Variants in LIG3 observed in about 807,000 individuals in gnomAD.
LIG3 encodes DNA ligase 3.
A neutral mutation model predicts 110.9 loss-of-function variants in LIG3; 58 were observed. The observed-to-expected ratio is 0.52, with a 90% CI of 0.42 to 0.65. The LOEUF (loss-of-function observed/expected upper bound fraction) is 0.65. Among genes scored for constraint, LIG3 ranks in the 30% least tolerant of loss-of-function variants. The pLI, the probability that LIG3 is intolerant of heterozygous loss-of-function variation, is 0.00. For synonymous variants in LIG3, 422 were observed against 472.8 expected (o/e 0.89, Z 1.39); for missense variants, 1,094 against 1,273.8 (o/e 0.86, Z 2.15).
At chr17:34,984,969 G>T (rs2090640833) in intron 2 of LIG3, among the ~76,000 whole-genome samples, 1 of 152,018 alleles carries the variant, frequency 6.6e-6, no homozygotes. Context: ...GTAGAGACAG[G>T]GTTTCACCAT....
chr17:34,989,624 C>T lies in LIG3; in HGVS notation c.850C>T (p.Gln284Ter), dbSNP rs1279226170. 1 of 1,614,018 alleles carries T rather than the reference C, an allele frequency of 6.2e-7. No homozygotes were observed. The highest frequency in any genetic ancestry group is 1.3e-5 in the African/African-American group (1 of 74,916). Reference sequence around the variant, plus strand: ...TAATCCTAGCTACAACACGAAGACCCAGATCATCCAGGACTTCCTTCGGAA... The same window carrying T: ...TAATCCTAGCTACAACACGAAGACCTAGATCATCCAGGACTTCCTTCGGAA... ...ADNPSYNTKT[Q>*]IIQDFLRKGS... The change falls in exon 4 of 20, where the codon CAG (glutamine) becomes TAG (stop). Residue 284 changes from glutamine (Q) to a stop codon, truncating the protein, a stop_gained. Coordinates refer to ENST00000378526, the MANE Select transcript of LIG3 (RefSeq NM_013975.4). LOFTEE classifies it high-confidence loss of function.
intron 3 of LIG3, among the ~76,000 whole-genome samples, chr17:34,986,543 A>G (rs1427896105): frequency 6.6e-6 from 1 of 152,150 alleles, no homozygotes; most frequent in African/African-American, 2.4e-5. Context: ...GCTGGTCTCA[A>G]ACTCCTGACC....
At chr17:34,984,003 G>A (rs895934472) in intron 2 of LIG3, among the ~76,000 whole-genome samples, 2 of 152,188 alleles carry the variant, frequency 1.3e-5, no homozygotes, top group African/African-American at 4.8e-5. Context: ...TTGAGAATAA[G>A]TTGCATACAT....
Position 34,991,666 on chromosome 17 carries a change from G to C in LIG3, c.1042-5G>C. On this transcript the variant is annotated splice_region_variant and splice_polypyrimidine_tract_variant and intron_variant, in intron 5 of 19. Transcript: ENST00000378526. Reference sequence around the variant, plus strand: ...CAGCAGTGGCATTTTGGTTTTTGGAGACAGGGTGACGTGTCAGAGACAATC... The same window carrying C: ...CAGCAGTGGCATTTTGGTTTTTGGACACAGGGTGACGTGTCAGAGACAATC... 6.2e-7 allele frequency: 1 copy of C among 1,613,402 alleles called. No individual in the cohort carries two copies. The highest frequency in any genetic ancestry group is 8.5e-7 in the Non-Finnish European group (1 of 1,179,926).
chr17:35,004,707 A>T lies in LIG3; in HGVS notation c.*201A>T. Reference sequence around the variant, plus strand: ...GAAGTCAGTTTGTCTTGCTGGTTTAAATAGATCTTTCAGAGCTGGGTGCTG... The same window carrying T: ...GAAGTCAGTTTGTCTTGCTGGTTTATATAGATCTTTCAGAGCTGGGTGCTG... On this transcript the variant is annotated 3_prime_UTR_variant, in exon 20 of 20. Transcript: ENST00000378526. 3.5e-6 allele frequency: 2 copies of T among 563,652 alleles called. No homozygotes were observed. The highest frequency in any genetic ancestry group is 6.3e-6 in the Non-Finnish European group (2 of 317,992). The allele number at this position is 563,652 out of a possible 1,614,324, so 34.9% of individuals were successfully genotyped here. A position where few individuals can be genotyped will look rare whatever the true frequency, so the allele number is the denominator to read the frequency against.
chr17:34,990,528 C>T (rs1176920227), intron 4 of LIG3, among the ~76,000 whole-genome samples: 1 of 152,194 alleles, frequency 6.6e-6, no homozygotes, highest in Non-Finnish European at 1.5e-5. Flanking sequence ...AATCTGCCTA[C>T]CTCAACCTGC....
In LIG3 at chr17:34,993,701, A is replaced by G. The variant is rs3135990; in HGVS notation, c.1456-575A>G. On this transcript the variant is annotated intron_variant, in intron 8 of 19. Coordinates refer to ENST00000378526, the MANE Select transcript of LIG3 (RefSeq NM_013975.4). The stretch of plus-strand genomic sequence containing the variant: ...CAAAAATGAAAACAATATTTGTCAC[A>G]TAGGATGTCACATCGGGGATGAAAT... Among the ~76,000 whole-genome samples, 870 of 152,310 alleles carry G rather than the reference A, an allele frequency of 5.7e-3. 7 individuals are homozygous for G. Among genetic ancestry groups the G allele is most frequent in the African/African-American group, 0.019 (796 of 41,572 alleles).
At chr17:34,981,088 T>C (rs1024329511) in intron 1 of LIG3, 21 of 152,266 alleles carry the variant, frequency 1.4e-4, no homozygotes, top group African/African-American at 5.1e-4. Flanking sequence ...GGGAAGCCCT[T>C]CGAGAAAAGC....
At position 35,009,007 on chromosome 17, in the gene LIG3, T is replaced by C. The variant is rs2142306039; in HGVS notation, c.*4501T>C. 1 of 152,576 alleles carries C rather than the reference T, an allele frequency of 6.6e-6. No homozygotes were observed. The highest frequency in any genetic ancestry group is 2.4e-5 in the African/African-American group (1 of 41,566). 9.5% of individuals were successfully genotyped at this position (152,576 alleles called of 1,614,324 possible). A position where few individuals can be genotyped will look rare whatever the true frequency, so the allele number is the denominator to read the frequency against. ...GTCTCAAACTCCTGAGCTCAAGCAG[T>C]CTTCCCACCTTGGCCTCCTAAAGTG... On this transcript the variant is annotated 3_prime_UTR_variant, in exon 20 of 20. Coordinates refer to ENST00000378526, the MANE Select transcript of LIG3 (RefSeq NM_013975.4).
intron 19 of LIG3, chr17:35,004,006 T>C (rs774156198): frequency 1.8e-4 from 80 of 444,092 alleles, no homozygotes; most frequent in Non-Finnish European, 2.9e-4. Context: ...GTGGCTCTTA[T>C]ACACATGTAC....
chr17:34,996,733 A>C lies in LIG3; in HGVS notation c.1823+80A>C. The C allele has an allele frequency of 9.7e-6, 12 of 1,236,034 alleles. No individual in the cohort carries two copies. In the South Asian group the frequency reaches 1.4e-4, roughly 15 times the overall value. 76.6% of individuals were successfully genotyped at this position (1,236,034 alleles called of 1,614,324 possible). On this transcript the variant is annotated intron_variant, in intron 11 of 19. Transcript: ENST00000378526. ...CCTGGGTGAGGAAGATGGGGGCTTCAGGTTGGAAAGGAGGGTACAGGGAAC... is the reference window on the plus strand; with the variant it reads ...CCTGGGTGAGGAAGATGGGGGCTTCCGGTTGGAAAGGAGGGTACAGGGAAC...
Position 34,983,460 on chromosome 17 carries a change from C to A in LIG3, c.455C>A (p.Ala152Asp), listed in dbSNP as rs2090625546. The change falls in exon 2 of 20, where the codon GCC (alanine) becomes GAC (aspartate). Residue 152 changes from alanine to aspartate, a missense_variant. Coordinates refer to ENST00000378526, the MANE Select transcript of LIG3 (RefSeq NM_013975.4). ...CMFEKLERAR[A>D]TTKKIEDLTE... Reference sequence around the variant, plus strand: ...TTTGAGAAACTAGAGCGGGCCCGGGCCACCACAAAAAAAATCGAGGACCTC... The same window carrying A: ...TTTGAGAAACTAGAGCGGGCCCGGGACACCACAAAAAAAATCGAGGACCTC... The A allele has an allele frequency of 1.2e-6, 2 of 1,613,706 alleles. No individual in the cohort carries two copies. The highest frequency in any genetic ancestry group is 1.1e-5 in the South Asian group (1 of 91,068).
chr17:35,002,500 G>A (rs905758381), intron 18 of LIG3, among the ~76,000 whole-genome samples, 168 bp from the exon 19 acceptor site: 4 of 152,262 alleles, frequency 2.6e-5, no homozygotes, highest in African/African-American at 9.6e-5. Flanking sequence ...TAGTTCTTTT[G>A]TATCATATGT....
intron 4 of LIG3, 51 bp downstream of exon 4, chr17:34,989,714 A>G (rs896512836): frequency 1.3e-6 from 2 of 1,559,486 alleles, no homozygotes; most frequent in African/African-American, 2.7e-5. Flanking sequence ...GCTCAAGGCC[A>G]TGGCTGCCTT....
intron 3 of LIG3, among the ~76,000 whole-genome samples, chr17:34,987,296 T>A (rs1375405088): frequency 6.6e-6 from 1 of 152,218 alleles, no homozygotes; most frequent in African/African-American, 2.4e-5. Context: ...TATATGTAGT[T>A]TCATTTCTTC....
Position 35,004,562 on chromosome 17 carries a change from T to G in LIG3, c.*56T>G. On this transcript the variant is annotated 3_prime_UTR_variant, in exon 20 of 20. Transcript: ENST00000378526. The stretch of plus-strand genomic sequence containing the variant: ...ACTCTCCTTTACCATACTACTGGAC[T>G]GGACTCAGGCTGGAGGCAGATAGAC... The G allele has an allele frequency of 6.9e-7, 1 of 1,446,566 alleles. No homozygotes were observed. The highest frequency in any genetic ancestry group is 2.3e-5 in the East Asian group (1 of 43,882). The allele number at this position is 1,446,566 out of a possible 1,614,324, so 89.6% of individuals were successfully genotyped here. A position where few individuals can be genotyped will look rare whatever the true frequency, so the allele number is the denominator to read the frequency against.
downstream of LIG3, chr17:35,010,825 C>T (rs1200251391): frequency 6.6e-6 from 1 of 152,036 alleles, no homozygotes; most frequent in Non-Finnish European, 1.5e-5. Flanking sequence ...AGTAGGGTCT[C>T]CTCACTCCCC....
Position 34,986,033 on chromosome 17 carries a change from T to A in LIG3, c.593T>A (p.Val198Asp). The A allele has an allele frequency of 6.2e-7, 1 of 1,614,186 alleles. No individual in the cohort carries two copies. Among genetic ancestry groups the A allele is most frequent in the Non-Finnish European group, 8.5e-7 (1 of 1,180,004 alleles). Residue 198 changes from valine to aspartate, a missense_variant, in exon 3 of 20, where the codon GTC (valine) becomes GAC (aspartate). By Grantham distance (152) the Val-to-Asp change is radical (BLOSUM62 -3). Transcript: ENST00000378526. ...GGTACACCAAAGAAGAAAGCTGTTG[T>A]CCAGGCTAAGTTGACAACCACTGGC... ...AAGTPKKKAV[V>D]QAKLTTTGQV...
Position 34,989,646 on chromosome 17 carries a change from G to A in LIG3, c.872G>A (p.Arg291Gln), listed in dbSNP as rs199806002. 96 of 1,614,082 alleles carry A rather than the reference G, an allele frequency of 5.9e-5. No homozygotes were observed. The highest frequency in any genetic ancestry group is 7.4e-5 in the Non-Finnish European group (87 of 1,180,018). The change falls in exon 4 of 20, where the codon CGG becomes CAG. Residue 291 changes from arginine to glutamine, a missense_variant. Transcript: ENST00000378526. ...ACCCAGATCATCCAGGACTTCCTTC[G>A]GAAAGGCTCAGCAGGAGGTGTGGCA... Reference protein sequence around the residue: ...TKTQIIQDFLRKGSAGDGFHG... With the variant: ...TKTQIIQDFLQKGSAGDGFHG...
Sources: allele counts gnomAD v4.1 joint callset (sites outside exome capture counted in the v4.1 genomes callset), GRCh38; gene constraint gnomAD v4.1.1; transcripts MANE v1.5; gene names NCBI Gene and HGNC (gene_info 2026-07-23, HGNC 2026-07-21).